The following PDE4DIP variants were observed in gnomAD, a reference collection of about 807,000 sequenced individuals.
PDE4DIP encodes the protein phosphodiesterase 4D interacting protein, also known as myomegalin.
A neutral mutation model predicts 221.4 loss-of-function variants in PDE4DIP; 59 were observed. The observed-to-expected ratio is 0.27, with a 90% confidence interval of 0.22 to 0.33. PDE4DIP has a LOEUF of 0.33. PDE4DIP is among the 10% of genes least tolerant of loss of function. The probability of loss-of-function intolerance (pLI) is 1.00; values close to 1 mark genes in which losing one functional copy is unlikely to be tolerated. For missense variants in PDE4DIP, 1,036 were observed against 2,154.2 expected (o/e 0.48, Z 10.28); for synonymous variants, 404 against 815.9 (o/e 0.50, Z 8.60).
At chr1:148,986,026 A>G (rs1470611653) in intron 21 of PDE4DIP, 2 of 152,154 alleles carry the variant, frequency 1.3e-5, no homozygotes, top group African/African-American at 4.8e-5. Flanking sequence ...ATAAATTATG[A>G]GTTTCTATCT....
chr1:148,995,874 A>AAAAAAAT (rs1220300066), intron 22 of PDE4DIP, among the ~76,000 whole-genome samples: 6 of 149,432 alleles, frequency 4.0e-5, no homozygotes, highest in Non-Finnish European at 7.5e-5. Context: ...ATAATAAAAT[A>AAAAAAAT]AAAAAATAAA....
At chr1:148,953,876 T>C (rs1553498385) in intron 5 of PDE4DIP, 11 of 1,611,860 alleles carry the variant, frequency 6.8e-6, no homozygotes, top group Non-Finnish European at 9.3e-6. Context: ...GGATGATCTC[T>C]GTGAAGATTA....
chr1:148,975,290 C>T lies in PDE4DIP; in HGVS notation c.2319+685C>T, dbSNP rs587621731. ...TGAAATTAGATTTAGAAACATGAAA[C>T]GAGAAATTTGAGTATAATCAGTGTT... On this transcript the variant is annotated intron_variant, in intron 17 of 43. Transcript: ENST00000369354. Among the ~76,000 whole-genome samples, 28 of 146,628 alleles carry T rather than the reference C, an allele frequency of 1.9e-4. No homozygotes were observed. In the East Asian group the frequency reaches 2.6e-3, roughly 14 times the overall value.
At chr1:148,969,102 A>C (rs1285632530) in intron 14 of PDE4DIP, 72 bp downstream of exon 17, 11 of 978,736 alleles carry the variant, frequency 1.1e-5, no homozygotes, top group Non-Finnish European at 1.6e-5. Flanking sequence ...AAGCATTTGC[A>C]GACTATAGAT....
chr1:148,973,433 T>C (rs1181532667), intron 16 of PDE4DIP, among the ~76,000 whole-genome samples: 1 of 151,518 alleles, frequency 6.6e-6, no homozygotes, highest in African/African-American at 2.4e-5. Context: ...CCCAGCCGCT[T>C]CTAGGCCCTT....
chr1:148,940,513 A>G (rs1344217364), intron 5 of PDE4DIP, among the ~76,000 whole-genome samples: 5 of 150,164 alleles, frequency 3.3e-5, no homozygotes, highest in African/African-American at 1.2e-4. Flanking sequence ...ATGAGTGTAC[A>G]TCTATGGTAT....
intron 17 of PDE4DIP, among the ~76,000 whole-genome samples, chr1:148,975,700 A>G (rs1257631315): frequency 6.6e-6 from 1 of 151,988 alleles, no homozygotes; most frequent in African/African-American, 2.4e-5. Context: ...ATGTTGAAGA[A>G]ATACTAGGAC....
exon 19 of PDE4DIP, chr1:148,978,399 G>A: frequency 6.2e-7 from 1 of 1,606,028 alleles, no homozygotes. Flanking sequence ...GAAATTTCAG[G>A]AAACCGAAGA....
At chr1:148,844,393 A>T (rs1675891839) in intron 1 of PDE4DIP, 35 bp from the exon 1 acceptor site, 1 of 315,356 alleles carries the variant, frequency 3.2e-6, no homozygotes, top group African/African-American at 2.2e-5. Context: ...CTCGCGGTTG[A>T]CAGCTCAGCT....
intron 37 of PDE4DIP, among the ~76,000 whole-genome samples, chr1:149,022,721 A>T (rs1575545362): frequency 6.6e-6 from 1 of 151,338 alleles, no homozygotes; most frequent in East Asian, 2.0e-4. Flanking sequence ...GTAAAAGTTG[A>T]CATTCTGTAT....
intron 1 of PDE4DIP, 43 bp from the exon 2 acceptor site, chr1:148,863,207 T>G (rs782741246): frequency 5.1e-6 from 2 of 390,384 alleles, no homozygotes; most frequent in Non-Finnish European, 4.2e-6. Flanking sequence ...GGGAGCCTTG[T>G]GGGGTAGTAT....
At chr1:149,017,928 T>A (rs782757885) in intron 34 of PDE4DIP, 49 bp downstream of exon 37, 3 of 1,497,880 alleles carry the variant, frequency 2.0e-6, no homozygotes, top group Admixed American at 3.5e-5. Context: ...TAGGGACTTT[T>A]AGGCAGAGCT....
chr1:148,980,441 A>G (rs1178788247), intron 20 of PDE4DIP, among the ~76,000 whole-genome samples: 2 of 152,192 alleles, frequency 1.3e-5, no homozygotes, highest in Admixed American at 1.3e-4. Flanking sequence ...TATTCATTTA[A>G]TATCATCAAA....
chr1:148,905,222 C>T (rs1402954241), intron 1 of PDE4DIP, among the ~76,000 whole-genome samples: 7 of 127,456 alleles, frequency 5.5e-5, no homozygotes, highest in East Asian at 2.3e-4. Context: ...CTTGCTCTGT[C>T]GCCTAGGCTG....
chr1:148,998,519 C>G, intron 23 of PDE4DIP, 144 bp downstream of exon 26: 1 of 553,204 alleles, frequency 1.8e-6, no homozygotes, highest in Non-Finnish European at 3.3e-6. Flanking sequence ...TAATCACTTT[C>G]TGTTATTCAA....
chr1:149,015,726 G>A (rs1297773822), intron 32 of PDE4DIP, among the ~76,000 whole-genome samples: 33 of 149,898 alleles, frequency 2.2e-4, no homozygotes, highest in Admixed American at 1.7e-3. Flanking sequence ...ATAAATACTT[G>A]CCTTACATAG....
intron 37 of PDE4DIP, chr1:149,021,466 C>T (rs1360225565): frequency 4.3e-6 from 1 of 234,578 alleles, no homozygotes; most frequent in Non-Finnish European, 8.2e-6. Context: ...TTTGAAAAGG[C>T]CTTTAATATT....
rs1359060607 is a variant in PDE4DIP at position 149,010,609 on chromosome 1, A to C, written c.5080+14A>C. 5 of 1,612,852 alleles carry C rather than the reference A, an allele frequency of 3.1e-6. No individual in the cohort carries two copies. The highest frequency in any genetic ancestry group is 4.2e-6 in the Non-Finnish European group (5 of 1,179,384). On this transcript the variant is annotated intron_variant, in intron 31 of 43. Transcript: ENST00000369354. ...AGGCCCATTCAGGTATGCAACAGCC[A>C]ATGGGGCAGAAGCTTCATCTCCTCT... is the stretch of plus-strand genomic sequence containing the variant.
intron 5 of PDE4DIP, among the ~76,000 whole-genome samples, chr1:148,954,943 G>C (rs1264090003): frequency 2.6e-5 from 4 of 152,124 alleles, no homozygotes; most frequent in African/African-American, 4.8e-5. Flanking sequence ...AAGTGACATT[G>C]TTGATGGCCA....
Sources: gnomAD v4.1 joint callset for allele counts (sites outside exome capture counted in the v4.1 genomes callset) on GRCh38, gnomAD v4.1.1 for gene constraint, MANE v1.5 for transcripts, NCBI Gene and HGNC (gene_info 2026-07-23, HGNC 2026-07-21) for gene names.